The following PROX1 variants were observed in gnomAD, a reference collection of about 807,000 sequenced individuals.
PROX1 encodes prospero homeobox protein 1.
Under a neutral mutation model 58.8 loss-of-function variants are expected in PROX1, and 7 were observed. The observed-to-expected ratio is 0.12, with a 90% CI of 0.07 to 0.22. PROX1 has a LOEUF of 0.22. Among genes scored for constraint, PROX1 ranks in the 10% least tolerant of loss-of-function variants. The pLI, the probability that PROX1 is intolerant of heterozygous loss-of-function variation, is 1.00. For synonymous variants in PROX1, 350 were observed against 358.3 expected (o/e 0.98, Z 0.26); for missense variants, 675 against 927.8 (o/e 0.73, Z 3.54).
At position 214,008,670 on chromosome 1, in the gene PROX1, A is replaced by G. The variant is rs548976651; in HGVS notation, c.1834-2851A>G. 3.7e-4 allele frequency among the ~76,000 whole-genome samples: 57 copies of G among 152,266 alleles called. No individual in the cohort carries two copies. The South Asian group carries it at 0.012, about 31-fold the overall frequency. ...CCTGGGTAAGAGGTAAATGCTTTTC[A>G]ATTACCTTGGAACGAAAGAGGTAGA... On this transcript the variant is annotated intron_variant, in intron 3 of 4. Transcript: ENST00000366958.
intron 4 of PROX1, among the ~76,000 whole-genome samples, chr1:214,012,386 G>A (rs185673695): frequency 5.7e-4 from 86 of 151,982 alleles, no homozygotes; most frequent in African/African-American, 1.9e-3. Flanking sequence ...ATATATCTGT[G>A]ACGTGTATAT....
chr1:214,002,788 G>C (rs1663570165), intron 2 of PROX1, among the ~76,000 whole-genome samples: 1 of 152,142 alleles, frequency 6.6e-6, no homozygotes. Context: ...ACTTAAAAGG[G>C]AAATTAACCA....
chr1:214,035,618 T>G (rs779749784), intron 4 of PROX1, 31 bp from the exon 5 acceptor site: 3 of 1,580,442 alleles, frequency 1.9e-6, no homozygotes, highest in Admixed American at 1.8e-5. Flanking sequence ...CTGAAAACTT[T>G]ATTAATGCCA....
At chr1:213,994,783 AT>A (rs1663188140) in intron 1 of PROX1, among the ~76,000 whole-genome samples, 5 of 85,940 alleles carry the variant, frequency 5.8e-5, no homozygotes, top group African/African-American at 2.0e-4. Flanking sequence ...ATATATATAT[AT>A]ATATATATAT....
At chr1:213,992,385 A>G (rs778290034) in intron 1 of PROX1, among the ~76,000 whole-genome samples, 70 of 152,304 alleles carry the variant, frequency 4.6e-4, no homozygotes, top group Non-Finnish European at 7.5e-4. Flanking sequence ...CTCTGAAGAA[A>G]AAGTTGCTAA....
intron 3 of PROX1, among the ~76,000 whole-genome samples, chr1:214,009,723 CA>C (rs2102727244): frequency 6.6e-6 from 1 of 152,088 alleles, no homozygotes; most frequent in Non-Finnish European, 1.5e-5. Context: ...CATTCGTGAC[CA>C]TTCTAGAAAA....
rs1472879672 is a variant in PROX1 at position 214,038,308 on chromosome 1, T to G, written c.*2474T>G. ...ACTATGCTTTCCGGTGGTTTTCCCT[T>G]TTACAATCGAAATCTTGTGCCTCCC... On this transcript the variant is annotated 3_prime_UTR_variant, in exon 5 of 5. Coordinates refer to ENST00000366958, the MANE Select transcript of PROX1 (RefSeq NM_001270616.2). 1 of 152,172 alleles carries G rather than the reference T, an allele frequency of 6.6e-6. No individual in the cohort carries two copies. Among genetic ancestry groups the G allele is most frequent in the Admixed American group, 6.5e-5 (1 of 15,278 alleles). The allele number at this position is 152,172 out of a possible 1,614,324, so 9.4% of individuals were successfully genotyped here.
At chr1:213,999,884 C>T (rs1663429203) in intron 2 of PROX1, among the ~76,000 whole-genome samples, 1 of 152,240 alleles carries the variant, frequency 6.6e-6, no homozygotes, top group East Asian at 1.9e-4. Flanking sequence ...GACACAATGG[C>T]TTGAATGGTT....
chr1:213,990,808 A>G (rs1663008662), intron 1 of PROX1, among the ~76,000 whole-genome samples: 1 of 152,036 alleles, frequency 6.6e-6, no homozygotes, highest in African/African-American at 2.4e-5. Flanking sequence ...TATCTTTTTA[A>G]GCATGCTTTC....
At chr1:213,987,674 G>A (rs2102672122), upstream of PROX1, 1 of 141,822 alleles carries the variant, frequency 7.1e-6, no homozygotes, top group South Asian at 2.3e-4. Context: ...GCCCAGGCGC[G>A]GCGATCCAGT....
In PROX1 at chr1:214,035,977, A is replaced by T. The variant is rs1571850042; in HGVS notation, c.*143A>T. The T allele has an allele frequency of 4.8e-6, 3 of 619,542 alleles. No individual in the cohort carries two copies. In the East Asian group the frequency reaches 1.0e-4, roughly 21 times the overall value. 38.4% of individuals were successfully genotyped at this position (619,542 alleles called of 1,614,324 possible). The stretch of plus-strand genomic sequence containing the variant: ...TGAAATCAGCTGGTAATTCCTCCTC[A>T]TCACGTTTCTCTCATTTTCTTTTGT... On this transcript the variant is annotated 3_prime_UTR_variant, in exon 5 of 5. Transcript: ENST00000366958.
intron 4 of PROX1, among the ~76,000 whole-genome samples, chr1:214,014,003 A>C (rs890951920): frequency 5.3e-5 from 8 of 152,216 alleles, no homozygotes; most frequent in African/African-American, 1.9e-4. Flanking sequence ...ACCGACCACC[A>C]CACATAATCC....
chr1:214,031,490 C>T (rs1310044496), intron 4 of PROX1, among the ~76,000 whole-genome samples: 2 of 152,132 alleles, frequency 1.3e-5, no homozygotes, highest in Non-Finnish European at 2.9e-5. Context: ...CCCTCCTCCG[C>T]CCGCCCTCCC....
At position 213,990,499 on chromosome 1, in the gene PROX1, C is replaced by T. The variant is rs1662989498; in HGVS notation, c.-68+2016C>T. Among the ~76,000 whole-genome samples the T allele has an allele frequency of 1.3e-5, 2 of 152,014 alleles. 1 individual carries two copies. Among genetic ancestry groups the T allele is most frequent in the South Asian group, 4.1e-4 (2 of 4,820 alleles). On this transcript the variant is annotated intron_variant, in intron 1 of 4. Transcript: ENST00000366958. ...TCTTAAGGATATTGGCAGTCTACTGCTGAGGCTGTGTCCCAGGCTTCTGTC... is the reference window on the plus strand; with the variant it reads ...TCTTAAGGATATTGGCAGTCTACTGTTGAGGCTGTGTCCCAGGCTTCTGTC...
Position 213,997,909 on chromosome 1 carries a change from C to A in PROX1, c.1374C>A (p.Gly458=). The change falls in exon 2 of 5, where the codon GGC becomes GGA. Residue 458 remains glycine, a synonymous_variant. Transcript: ENST00000366958. This position sits in a 1 kb window ranked among gnomAD's most constrained non-coding sequence, Gnocchi z 7.1. ...AGTCTGCCTCCGGCCCTGCCGCTGGCGGCCACCACCAGCCCCTGCACCAGT... is the reference window on the plus strand; with the variant it reads ...AGTCTGCCTCCGGCCCTGCCGCTGGAGGCCACCACCAGCCCCTGCACCAGT... ...SDQSASGPAA[G]GHHQPLHQSP... is the part of the protein sequence containing the mutation. 6.2e-7 allele frequency: 1 copy of A among 1,612,342 alleles called. No individual in the cohort carries two copies. Among genetic ancestry groups the A allele is most frequent in the Non-Finnish European group, 8.5e-7 (1 of 1,179,096 alleles).
In PROX1 at chr1:213,998,145, C is replaced by T. The variant is rs1273694168; in HGVS notation, c.1610C>T (p.Pro537Leu). The T allele has an allele frequency of 1.2e-6, 2 of 1,614,126 alleles. No homozygotes were observed. Among genetic ancestry groups the T allele is most frequent in the Non-Finnish European group, 1.7e-6 (2 of 1,180,048 alleles). The change falls in exon 2 of 5, where the codon CCT becomes CTT. Residue 537 changes from proline to leucine, a missense_variant. Pro to Leu is a moderately conservative substitution (Grantham distance 98, BLOSUM62 -3). Around this residue, in one of 8 missense-constraint regions of PROX1, gnomAD observed 403 missense variants for 477.4 expected, o/e 0.84. Coordinates refer to ENST00000366958, the MANE Select transcript of PROX1 (RefSeq NM_001270616.2). Reference sequence around the variant, plus strand: ...TCATCTCACCACCTGAGCCACCACCCTTGTTCACCAGCACACCCGCCCAGC... The same window carrying T: ...TCATCTCACCACCTGAGCCACCACCTTTGTTCACCAGCACACCCGCCCAGC... ...KMSSHHLSHH[P>L]CSPAHPPSTA... is the part of the protein sequence containing the mutation.
rs1022710006 is a variant in PROX1, at chr1:213,996,748, C to T, written c.213C>T (p.Arg71=). The T allele has an allele frequency of 3.7e-6, 6 of 1,614,062 alleles. No individual in the cohort carries two copies. Among genetic ancestry groups the T allele is most frequent in the Non-Finnish European group, 8.5e-7 (1 of 1,180,048 alleles). The change falls in exon 2 of 5, where the codon CGC becomes CGT. Residue 71 remains arginine (R), a synonymous_variant. Coordinates refer to ENST00000366958, the MANE Select transcript of PROX1 (RefSeq NM_001270616.2). The stretch of plus-strand genomic sequence containing the variant: ...ATGGGGAAAAGTCAAATGTACTCCG[C>T]AAGCTGCTGAAGAGGGCGAACTCGT... ...HADGEKSNVL[R]KLLKRANSYE... is the part of the protein sequence containing the mutation.
intron 4 of PROX1, among the ~76,000 whole-genome samples, chr1:214,024,773 GC>G: frequency 6.6e-6 from 1 of 152,286 alleles, no homozygotes; most frequent in South Asian, 2.1e-4. Flanking sequence ...GATTATCTGT[GC>G]CCCAGCTTCC....
At chr1:214,013,654 T>C (rs447176) in intron 4 of PROX1, among the ~76,000 whole-genome samples, 150,159 of 152,240 alleles carry the variant, frequency 0.99, 74,092 homozygotes, top group Middle Eastern at 1. Context: ...AAACAGGGGA[T>C]GGCTGGCATC....
Sources: gnomAD v4.1 joint callset for allele counts (sites outside exome capture counted in the v4.1 genomes callset) on GRCh38, gnomAD v4.1.1 for gene constraint, gnomAD v4.1.1 regional missense constraint, Gnocchi (gnomAD v3.1) non-coding constraint, MANE v1.5 for transcripts, NCBI Gene and HGNC (gene_info 2026-07-23, HGNC 2026-07-21) for gene names.